Variants in SEMA3D observed in about 807,000 individuals in gnomAD.
SEMA3D encodes semaphorin 3D, also known as semaphorin-3D.
A neutral mutation model predicts 100.1 loss-of-function variants in SEMA3D; 84 were observed. That is an observed-to-expected ratio of 0.84 (90% CI 0.70 to 1.01). The LOEUF is 1.01. SEMA3D is among the 50% of genes least tolerant of loss of function. SEMA3D has a pLI of 0.00. For synonymous variants in SEMA3D, 312 were observed against 320.7 expected, an observed-to-expected ratio of 0.97 and a Z score of 0.29; for missense variants, 875 against 934.1, an observed-to-expected ratio of 0.94 and a Z score of 0.82.
At chr7:85,106,769 A>T (rs1217576611) in intron 3 of SEMA3D, among the ~76,000 whole-genome samples, 2 of 152,038 alleles carry the variant, frequency 1.3e-5, no homozygotes, top group Non-Finnish European at 2.9e-5. Flanking sequence ...TCATGGTGGA[A>T]GCCACCTCTT....
chr7:85,123,290 A>G (rs1384612750), intron 2 of SEMA3D, among the ~76,000 whole-genome samples: 2 of 152,146 alleles, frequency 1.3e-5, no homozygotes, highest in African/African-American at 4.8e-5. Context: ...TGCTGTTACT[A>G]GGAAATAGGC....
intron 1 of SEMA3D, among the ~76,000 whole-genome samples, chr7:85,176,778 A>G (rs1185196420): frequency 9.2e-6 from 1 of 108,980 alleles, no homozygotes; most frequent in East Asian, 4.2e-4. Context: ...GTGTATTTGT[A>G]TACATATATA....
chr7:85,182,089 CT>C (rs201272212), intron 1 of SEMA3D, among the ~76,000 whole-genome samples: 9 of 151,598 alleles, frequency 5.9e-5, no homozygotes, highest in African/African-American at 1.7e-4. Flanking sequence ...TTTCTTTTAT[CT>C]TTTTTTTAGT....
chr7:85,044,552 G>A (rs1562795138), intron 9 of SEMA3D, among the ~76,000 whole-genome samples: 1 of 152,014 alleles, frequency 6.6e-6, no homozygotes, highest in African/African-American at 2.4e-5. Flanking sequence ...ACTAAAAATT[G>A]GCACTTAAGG....
intron 2 of SEMA3D, among the ~76,000 whole-genome samples, chr7:85,127,088 G>A (rs1789590500): frequency 6.6e-6 from 1 of 152,002 alleles, no homozygotes; most frequent in Non-Finnish European, 1.5e-5. Context: ...AGTCTGGAAG[G>A]CCATCTGACT....
intron 12 of SEMA3D, among the ~76,000 whole-genome samples, chr7:85,035,135 G>A (rs1790657448): frequency 6.6e-6 from 1 of 151,402 alleles, no homozygotes; most frequent in Non-Finnish European, 1.5e-5. Flanking sequence ...ATGTGTGTGT[G>A]TTATATGTAT....
intron 9 of SEMA3D, among the ~76,000 whole-genome samples, chr7:85,052,503 C>T (rs974371391): frequency 3.6e-4 from 54 of 151,692 alleles, no homozygotes; most frequent in African/African-American, 1.3e-3. Context: ...AAACGAAAAA[C>T]AAACAAACAA....
chr7:85,137,274 A>G (rs985421357), intron 2 of SEMA3D, among the ~76,000 whole-genome samples: 3 of 151,952 alleles, frequency 2.0e-5, no homozygotes, highest in Non-Finnish European at 4.4e-5. Context: ...ATGTGTATAT[A>G]TGTGATGTAT....
intron 10 of SEMA3D, among the ~76,000 whole-genome samples, 167 bp from the exon 11 acceptor site, chr7:85,040,909 T>G (rs1329515359): frequency 6.6e-6 from 1 of 152,182 alleles, no homozygotes; most frequent in African/African-American, 2.4e-5. Context: ...TCTCAATGAC[T>G]ATGTATGGTA....
intron 3 of SEMA3D, among the ~76,000 whole-genome samples, chr7:85,099,672 C>A (rs1788683319): frequency 6.6e-6 from 1 of 151,832 alleles, no homozygotes; most frequent in Admixed American, 6.6e-5. Flanking sequence ...TTTATTGCTC[C>A]CTATCTTCAT....
At chr7:85,135,407 A>C (rs1005454546) in intron 2 of SEMA3D, among the ~76,000 whole-genome samples, 1 of 152,066 alleles carries the variant, frequency 6.6e-6, no homozygotes, top group African/African-American at 2.4e-5. Flanking sequence ...TCGCAAGAAC[A>C]AAAAACCAAA....
the SEMA3D span, among the ~76,000 whole-genome samples, chr7:85,204,179 A>T: frequency 1.3e-5 from 2 of 151,944 alleles, no homozygotes; most frequent in Non-Finnish European, 2.9e-5. Flanking sequence ...AAAGGAAGAG[A>T]CTCTTGCTCG....
At chr7:85,039,038 A>C (rs372981629) in intron 11 of SEMA3D, among the ~76,000 whole-genome samples, 189 of 152,300 alleles carry the variant, frequency 1.2e-3, no homozygotes, top group Non-Finnish European at 2.2e-3. Context: ...TTCAGTACCA[A>C]TATCAGTATC....
chr7:85,228,775 G>A, the SEMA3D span, among the ~76,000 whole-genome samples: 6 of 151,914 alleles, frequency 3.9e-5, no homozygotes, highest in Non-Finnish European at 5.9e-5. Context: ...AGAGAATTAT[G>A]AAAAAGACAT....
chr7:85,013,456 A>C (rs780169941), intron 16 of SEMA3D, among the ~76,000 whole-genome samples: 1 of 151,762 alleles, frequency 6.6e-6, no homozygotes, highest in Non-Finnish European at 1.5e-5. Flanking sequence ...AATAATAAAC[A>C]ATGGCTTTTG....
In SEMA3D at chr7:85,042,293, GAA is replaced by G. The variant is rs144281862; in HGVS notation, c.862-10_862-9del. The G allele has an allele frequency of 2.6e-5, 36 of 1,391,172 alleles. No homozygotes were observed. The highest frequency in any genetic ancestry group is 3.9e-5 in the Admixed American group (2 of 50,660). The allele number at this position is 1,391,172 out of a possible 1,614,324, so 86.2% of individuals were successfully genotyped here. Reference sequence around the variant, plus strand: ...TTGTCCTCCTACATCATTCTGACATGAAAAAAAAAATAAAGATAAATATTTAT... The same window carrying G: ...TTGTCCTCCTACATCATTCTGACATGAAAAAAAATAAAGATAAATATTTAT... On this transcript the variant is annotated splice_polypyrimidine_tract_variant and intron_variant, in intron 9 of 18. Transcript: ENST00000284136.
intron 2 of SEMA3D, chr7:85,142,430 G>A (rs2116465000): frequency 1.1e-6 from 1 of 926,226 alleles, no homozygotes; most frequent in Non-Finnish European, 1.3e-6. Context: ...TTCTAAAGAT[G>A]TCATAATTTA....
intron 2 of SEMA3D, among the ~76,000 whole-genome samples, chr7:85,122,452 AT>A (rs1387955304): frequency 1.3e-5 from 2 of 152,136 alleles, no homozygotes; most frequent in African/African-American, 4.8e-5. Flanking sequence ...GTTATTTAAC[AT>A]TTTTTCCTTG....
At chr7:85,203,493 T>C in the SEMA3D span, among the ~76,000 whole-genome samples, 6 of 152,084 alleles carry the variant, frequency 3.9e-5, no homozygotes, top group East Asian at 1.2e-3. Flanking sequence ...ATGAATAGAA[T>C]ATTGTTAACA....
Sources: allele counts gnomAD v4.1 joint callset (sites outside exome capture counted in the v4.1 genomes callset), GRCh38; gene constraint gnomAD v4.1.1; transcripts MANE v1.5; gene names NCBI Gene and HGNC (gene_info 2026-07-23, HGNC 2026-07-21).